GRAMD1C: variants seen among roughly 807,000 people sequenced by gnomAD.
GRAMD1C encodes GRAM domain containing 1C.
Under a neutral mutation model 97.8 loss-of-function variants are expected in GRAMD1C, and 89 were observed. That is an observed-to-expected ratio of 0.91 (90% CI 0.77 to 1.09). The LOEUF is 1.09. Among genes scored for constraint, GRAMD1C ranks in the 50% least tolerant of loss-of-function variants. GRAMD1C has a pLI of 0.00. For synonymous variants in GRAMD1C, 256 were observed against 267.0 expected (o/e 0.96, Z 0.40); for missense variants, 740 against 766.4 (o/e 0.97, Z 0.41).
At chr3:113,852,571 T>C (rs1237724139) in intron 2 of GRAMD1C, among the ~76,000 whole-genome samples, 1 of 151,966 alleles carries the variant, frequency 6.6e-6, no homozygotes, top group Non-Finnish European at 1.5e-5. Flanking sequence ...TAATAATGAA[T>C]GTCTTGGCTC....
chr3:113,856,357 T>G (rs926775809), intron 2 of GRAMD1C, among the ~76,000 whole-genome samples: 6 of 152,172 alleles, frequency 3.9e-5, no homozygotes, highest in African/African-American at 4.8e-5. Flanking sequence ...TCTGTAAAAC[T>G]ATAGTACAAT....
chr3:113,944,110 CA>C (rs1377635998), intron 17 of GRAMD1C, among the ~76,000 whole-genome samples: 3 of 152,046 alleles, frequency 2.0e-5, no homozygotes, highest in Non-Finnish European at 4.4e-5. Context: ...GCTACTATAA[CA>C]AAATCCTGGA....
At chr3:113,910,426 C>G (rs930606709) in intron 9 of GRAMD1C, among the ~76,000 whole-genome samples, 2 of 152,148 alleles carry the variant, frequency 1.3e-5, no homozygotes, top group African/African-American at 4.8e-5. Context: ...TTTAGAGGGC[C>G]AGCAGAGATT....
intron 2 of GRAMD1C, among the ~76,000 whole-genome samples, chr3:113,849,015 A>G (rs1933736363): frequency 6.6e-6 from 1 of 151,880 alleles, no homozygotes; most frequent in African/African-American, 2.4e-5. Context: ...AACTCTTAAA[A>G]CAAAAGACTT....
chr3:113,852,561 T>A (rs1349203777), intron 2 of GRAMD1C, among the ~76,000 whole-genome samples: 2 of 152,112 alleles, frequency 1.3e-5, no homozygotes, highest in Admixed American at 6.5e-5. Context: ...AACTTTTTTT[T>A]AATAATGAAT....
chr3:113,928,056 G>A (rs1480136158), intron 10 of GRAMD1C, among the ~76,000 whole-genome samples: 1 of 152,184 alleles, frequency 6.6e-6, no homozygotes, highest in East Asian at 1.9e-4. Context: ...ACAGGTGCCT[G>A]TGTACAATCC....
intron 11 of GRAMD1C, 39 bp downstream of exon 11, chr3:113,930,871 G>T (rs780089602): frequency 5.9e-6 from 6 of 1,023,434 alleles, no homozygotes; most frequent in South Asian, 1.3e-5. Context: ...AGTCATGTGT[G>T]GGGGAAGAGA....
intron 8 of GRAMD1C, among the ~76,000 whole-genome samples, chr3:113,904,981 C>T (rs574159989): frequency 2.6e-5 from 4 of 152,212 alleles, no homozygotes; most frequent in East Asian, 3.9e-4. Context: ...GTTACAGGCA[C>T]GTGCCACCAC....
chr3:113,889,613 A>C (rs996718425), intron 6 of GRAMD1C, among the ~76,000 whole-genome samples: 7 of 152,014 alleles, frequency 4.6e-5, no homozygotes, highest in Non-Finnish European at 7.4e-5. Context: ...TAAGGGGAAC[A>C]GTAGAGATTT....
intron 17 of GRAMD1C, among the ~76,000 whole-genome samples, chr3:113,942,023 C>T (rs910250563): frequency 2.0e-5 from 3 of 151,638 alleles, no homozygotes; most frequent in Non-Finnish European, 4.4e-5. Flanking sequence ...TCAAGCAAAC[C>T]TCCCACCTCA....
intron 2 of GRAMD1C, among the ~76,000 whole-genome samples, chr3:113,854,825 A>G (rs1182758917): frequency 6.6e-6 from 1 of 152,228 alleles, no homozygotes; most frequent in East Asian, 1.9e-4. Context: ...CATAGAGAAT[A>G]TGGAAATTAA....
chr3:113,936,670 C>G (rs937267935), intron 14 of GRAMD1C: 3 of 363,720 alleles, frequency 8.2e-6, no homozygotes, highest in African/African-American at 6.3e-5. Flanking sequence ...GCCCATGTGT[C>G]ATTTTAAGAA....
At chr3:113,883,474 A>T (rs957695701) in intron 6 of GRAMD1C, among the ~76,000 whole-genome samples, 11 of 149,438 alleles carry the variant, frequency 7.4e-5, no homozygotes, top group Non-Finnish European at 8.9e-5. Flanking sequence ...GCGGTGAGCC[A>T]TTATCGTGCC....
chr3:113,923,028 TC>T (rs1184982748), intron 10 of GRAMD1C, among the ~76,000 whole-genome samples: 1 of 152,040 alleles, frequency 6.6e-6, no homozygotes, highest in African/African-American at 2.4e-5. Flanking sequence ...CTTTTTTTTT[TC>T]TTTTGCTATA....
chr3:113,882,962 A>G (rs1337067938), intron 6 of GRAMD1C, 130 bp downstream of exon 6: 1 of 502,898 alleles, frequency 2.0e-6, no homozygotes, highest in Non-Finnish European at 3.6e-6. Flanking sequence ...AGAAACTTCA[A>G]TCAAAGCAAG....
intron 15 of GRAMD1C, 60 bp downstream of exon 15, chr3:113,938,203 C>A: frequency 1.3e-6 from 1 of 792,878 alleles, no homozygotes; most frequent in Non-Finnish European, 2.0e-6. Flanking sequence ...TAACTAGTTT[C>A]CAAAAGAATT....
At chr3:113,875,162 A>G (rs1424178284) in intron 3 of GRAMD1C, among the ~76,000 whole-genome samples, 1 of 151,542 alleles carries the variant, frequency 6.6e-6, no homozygotes, top group Non-Finnish European at 1.5e-5. Context: ...ATCCTTCCTG[A>G]TGCACACTCT....
chr3:113,852,381 CATTTT>C (rs990365594), intron 2 of GRAMD1C, among the ~76,000 whole-genome samples: 3 of 151,962 alleles, frequency 2.0e-5, no homozygotes, highest in Non-Finnish European at 4.4e-5. Context: ...ATTAAAAAAA[CATTTT>C]ATCCAATTTG....
intron 6 of GRAMD1C, among the ~76,000 whole-genome samples, chr3:113,888,584 GTA>G (rs1935598983): frequency 6.6e-6 from 1 of 152,168 alleles, no homozygotes; most frequent in African/African-American, 2.4e-5. Context: ...CGACCACAAT[GTA>G]TATGCATATC....
Sources: allele counts gnomAD v4.1 joint callset (sites outside exome capture counted in the v4.1 genomes callset), GRCh38; gene constraint gnomAD v4.1.1; transcripts MANE v1.5; gene names NCBI Gene and HGNC (gene_info 2026-07-23, HGNC 2026-07-21).